The following ANKRD6 variants were observed in gnomAD, a reference collection of about 807,000 sequenced individuals.
ANKRD6 encodes ankyrin repeat domain-containing protein 6.
Under a neutral mutation model 82.3 loss-of-function variants are expected in ANKRD6, and 56 were observed. The ratio of observed to expected loss-of-function variants is 0.68; its 90% CI spans 0.55 to 0.85. ANKRD6 has a LOEUF of 0.85. Among genes scored for constraint, ANKRD6 ranks in the 40% least tolerant of loss-of-function variants. The pLI is 0.00. For synonymous variants in ANKRD6, 347 were observed against 352.1 expected (o/e 0.99, Z 0.16); for missense variants, 852 against 907.6 (o/e 0.94, Z 0.79).
intron 1 of ANKRD6, among the ~76,000 whole-genome samples, chr6:89,440,918 C>G (rs1771294088): frequency 6.6e-6 from 1 of 152,134 alleles, no homozygotes; most frequent in Admixed American, 6.5e-5. Flanking sequence ...CTGCTTTCAA[C>G]TGCTATGGCA....
At chr6:89,532,497 C>A (rs1007827024) in intron 1 of ANKRD6, among the ~76,000 whole-genome samples, 1 of 152,142 alleles carries the variant, frequency 6.6e-6, no homozygotes, top group Non-Finnish European at 1.5e-5. Flanking sequence ...ATATATGTCA[C>A]CAGAGCACAC....
At chr6:89,547,821 T>A (rs1328669120) in intron 1 of ANKRD6, among the ~76,000 whole-genome samples, 1 of 152,236 alleles carries the variant, frequency 6.6e-6, no homozygotes, top group African/African-American at 2.4e-5. Context: ...CAATTGTTAA[T>A]GGGCATTTCC....
intron 1 of ANKRD6, among the ~76,000 whole-genome samples, chr6:89,484,474 A>G (rs1167991408): frequency 6.6e-6 from 1 of 152,176 alleles, no homozygotes; most frequent in Admixed American, 6.5e-5. Context: ...TTGAAGTAAA[A>G]GGTTTTGTTT....
chr6:89,497,672 G>GT (rs1186144505), intron 1 of ANKRD6, among the ~76,000 whole-genome samples: 1 of 152,004 alleles, frequency 6.6e-6, no homozygotes. Context: ...CTCTCTCTGT[G>GT]TATCTGTGTA....
chr6:89,573,966 C>G (rs558699991), intron 2 of ANKRD6, among the ~76,000 whole-genome samples: 73 of 152,306 alleles, frequency 4.8e-4, no homozygotes, highest in African/African-American at 1.7e-3. Context: ...TAACCTTGTT[C>G]TCTATGCATT....
intron 1 of ANKRD6, among the ~76,000 whole-genome samples, chr6:89,472,459 G>C (rs1018721992): frequency 6.6e-6 from 1 of 152,114 alleles, no homozygotes; most frequent in Non-Finnish European, 1.5e-5. Flanking sequence ...TCTGTAACTT[G>C]AATTTTGCTC....
intron 2 of ANKRD6, among the ~76,000 whole-genome samples, chr6:89,586,403 G>A (rs1324593883): frequency 6.6e-6 from 1 of 152,130 alleles, no homozygotes; most frequent in Non-Finnish European, 1.5e-5. Flanking sequence ...TGAAAATGTA[G>A]TCTGGCCAGG....
intron 1 of ANKRD6, among the ~76,000 whole-genome samples, chr6:89,553,735 C>G (rs535667901): frequency 6.6e-6 from 1 of 152,290 alleles, no homozygotes; most frequent in African/African-American, 2.4e-5. Flanking sequence ...TCGTCTCGCC[C>G]TCACCAGCAG....
intron 2 of ANKRD6, among the ~76,000 whole-genome samples, chr6:89,579,908 C>T (rs972650583): frequency 1.3e-5 from 2 of 152,020 alleles, no homozygotes; most frequent in Admixed American, 6.6e-5. Flanking sequence ...GCCAAAGTGA[C>T]GTTGAAGAAC....
intron 1 of ANKRD6, among the ~76,000 whole-genome samples, chr6:89,534,032 T>G (rs1242603998): frequency 6.6e-6 from 1 of 151,136 alleles, no homozygotes; most frequent in Non-Finnish European, 1.5e-5. Flanking sequence ...GTTTTCTAAC[T>G]GCCTATTGCA....
At chr6:89,625,285 A>C (rs894391134) in intron 13 of ANKRD6, among the ~76,000 whole-genome samples, 3 of 147,402 alleles carry the variant, frequency 2.0e-5, no homozygotes, top group Admixed American at 2.0e-4. Context: ...TCTGTCTAGA[A>C]AAAAAAAAAA....
rs532559057 is a variant in ANKRD6 at position 89,509,746 on chromosome 6, A to G, written c.-143-57088A>G. 1.6e-4 allele frequency among the ~76,000 whole-genome samples: 24 copies of G among 152,326 alleles called. No homozygotes were observed. In the South Asian group the frequency reaches 4.8e-3, roughly 30 times the overall value. ...AATCTTCTAACAGACCTATGAGGTGAATACCATTACTTTCCCCACTTTATG... is the reference window on the plus strand; with the variant it reads ...AATCTTCTAACAGACCTATGAGGTGGATACCATTACTTTCCCCACTTTATG... On this transcript the variant is annotated intron_variant, in intron 1 of 15. Coordinates refer to ENST00000339746, the MANE Select transcript of ANKRD6 (RefSeq NM_001242809.2).
chr6:89,470,733 T>C (rs1775349587), intron 1 of ANKRD6, among the ~76,000 whole-genome samples: 1 of 152,206 alleles, frequency 6.6e-6, no homozygotes, highest in Non-Finnish European at 1.5e-5. Flanking sequence ...ATAGTGAACA[T>C]CTTTTATAGC....
chr6:89,598,498 A>G, intron 3 of ANKRD6: 2 of 892,486 alleles, frequency 2.2e-6, no homozygotes, highest in African/African-American at 1.8e-5. Flanking sequence ...CCTGTGCCAC[A>G]TGGGGGTGTT....
At chr6:89,557,485 A>T (rs145930973) in intron 1 of ANKRD6, among the ~76,000 whole-genome samples, 1 of 152,178 alleles carries the variant, frequency 6.6e-6, no homozygotes, top group Non-Finnish European at 1.5e-5. Context: ...TGAGGGAGGG[A>T]TGGTAGCAGG....
chr6:89,464,208 A>G (rs946661097), intron 1 of ANKRD6, among the ~76,000 whole-genome samples: 1 of 152,148 alleles, frequency 6.6e-6, no homozygotes, highest in Non-Finnish European at 1.5e-5. Context: ...GTGATATTTT[A>G]TCTAGTAGTC....
intron 2 of ANKRD6, among the ~76,000 whole-genome samples, chr6:89,571,210 C>T (rs886778628): frequency 1.1e-4 from 17 of 152,210 alleles, no homozygotes; most frequent in Admixed American, 2.6e-4. Context: ...CGCCATGATG[C>T]CTGGCTAATT....
At chr6:89,532,587 T>G (rs1783304774) in intron 1 of ANKRD6, among the ~76,000 whole-genome samples, 2 of 152,358 alleles carry the variant, frequency 1.3e-5, no homozygotes, top group African/African-American at 4.8e-5. Flanking sequence ...TTAAGCTCCA[T>G]GAGGGCAGGG....
chr6:89,523,189 A>G (rs1291821806), intron 1 of ANKRD6, among the ~76,000 whole-genome samples: 4 of 152,202 alleles, frequency 2.6e-5, no homozygotes, highest in Admixed American at 6.5e-5. Flanking sequence ...CTGTGGCACT[A>G]TCAACTCTCA....
Sources: gnomAD v4.1 joint callset for allele counts (sites outside exome capture counted in the v4.1 genomes callset) on GRCh38, gnomAD v4.1.1 for gene constraint, MANE v1.5 for transcripts, NCBI Gene and HGNC (gene_info 2026-07-23, HGNC 2026-07-21) for gene names.